The following CLYBL variants were observed in gnomAD, a reference collection of about 807,000 sequenced individuals.
The protein encoded by CLYBL is citramalyl-CoA lyase, also known as citramalyl-CoA lyase, mitochondrial.
A neutral mutation model predicts 38.9 loss-of-function variants in CLYBL; 31 were observed. The observed-to-expected ratio is 0.80, with a 90% CI of 0.60 to 1.08. CLYBL has a LOEUF of 1.08. Among genes scored for constraint, CLYBL ranks in the 50% least tolerant of loss-of-function variants. The pLI is 0.00. For missense variants in CLYBL, 434 were observed against 411.6 expected (o/e 1.05, Z -0.47); for synonymous variants, 171 against 158.6 (o/e 1.08, Z -0.59).
At chr13:99,788,461 G>A (rs987214806) in intron 2 of CLYBL, among the ~76,000 whole-genome samples, 3 of 152,184 alleles carry the variant, frequency 2.0e-5, no homozygotes, top group African/African-American at 4.8e-5. Flanking sequence ...AGATAATCAT[G>A]TGGTTTTTGT....
At chr13:99,686,807 G>C (rs1011154676) in intron 1 of CLYBL, among the ~76,000 whole-genome samples, 1 of 152,136 alleles carries the variant, frequency 6.6e-6, no homozygotes, top group Non-Finnish European at 1.5e-5. Context: ...GACGAGCTAT[G>C]CCACCAATTT....
intron 6 of CLYBL, among the ~76,000 whole-genome samples, chr13:99,866,740 A>T (rs1219284356): frequency 6.6e-6 from 1 of 152,060 alleles, no homozygotes; most frequent in African/African-American, 2.4e-5. Context: ...GTGAACCGCC[A>T]TAAGAATTTT....
At chr13:99,778,598 A>C (rs1034670762) in intron 2 of CLYBL, among the ~76,000 whole-genome samples, 1 of 152,162 alleles carries the variant, frequency 6.6e-6, no homozygotes, top group Non-Finnish European at 1.5e-5. Flanking sequence ...ATTTGTGTTT[A>C]AGTAGCTCCT....
In CLYBL at chr13:99,819,442, ATATATATATATATATATATATAT is replaced by A. The variant is rs1566340148; in HGVS notation, c.250-39418_250-39396del. Among the ~76,000 whole-genome samples, 69 of 87,738 alleles carry A rather than the reference ATATATATATATATATATATATAT, an allele frequency of 7.9e-4. 4 individuals are homozygous for A. The highest frequency in any genetic ancestry group is 4.0e-3 in the South Asian group (9 of 2,272). 57.6% of individuals were successfully genotyped at this position (87,738 alleles called of 152,430 possible). The stretch of plus-strand genomic sequence containing the variant: ...TATATATATATATATATATATATAT[ATATATATATATATATATATATAT>A]ATAATATTTGTCAGGGTTGTCTGGG... On this transcript the variant is annotated intron_variant, in intron 2 of 8. Transcript: ENST00000339105.
At chr13:99,676,797 G>T (rs1316272671) in intron 1 of CLYBL, among the ~76,000 whole-genome samples, 1 of 151,132 alleles carries the variant, frequency 6.6e-6, no homozygotes, top group African/African-American at 2.4e-5. Context: ...TAGAGATGGG[G>T]TTTCTCCATG....
intron 1 of CLYBL, among the ~76,000 whole-genome samples, chr13:99,750,251 C>G (rs1324911404): frequency 6.6e-6 from 1 of 152,150 alleles, no homozygotes; most frequent in Non-Finnish European, 1.5e-5. Context: ...GAATCCATTA[C>G]GAATCTGTCA....
rs539780240 is a variant in CLYBL at position 99,638,950 on chromosome 13, A to G, written c.62+32193A>G. The stretch of plus-strand genomic sequence containing the variant: ...ACTAAGGGGCTGAGCTGGGATCGCA[A>G]CCACAGGTTCTGTTCCAAAGCTGGG... On this transcript the variant is annotated intron_variant, in intron 1 of 8. Coordinates refer to ENST00000339105, the MANE Select transcript of CLYBL (RefSeq NM_206808.5). 2.0e-5 allele frequency among the ~76,000 whole-genome samples: 3 copies of G among 152,312 alleles called. No homozygotes were observed. The South Asian group carries it at 6.2e-4, about 32-fold the overall frequency.
intron 1 of CLYBL, among the ~76,000 whole-genome samples, chr13:99,731,767 A>G (rs1467753887): frequency 1.3e-5 from 2 of 152,290 alleles, no homozygotes; most frequent in Non-Finnish European, 2.9e-5. Flanking sequence ...ACATCTCCTG[A>G]TGTGAAGAAT....
At chr13:99,711,569 G>C (rs915732829) in intron 1 of CLYBL, among the ~76,000 whole-genome samples, 8 of 151,570 alleles carry the variant, frequency 5.3e-5, no homozygotes, top group African/African-American at 1.2e-4. Flanking sequence ...ACCACGCCCG[G>C]CTAATTTTGT....
At chr13:99,793,749 A>G (rs925218435) in intron 2 of CLYBL, among the ~76,000 whole-genome samples, 1 of 152,150 alleles carries the variant, frequency 6.6e-6, no homozygotes, top group Non-Finnish European at 1.5e-5. Context: ...TTAAATTGCC[A>G]GTTATTTCTT....
At chr13:99,818,269 G>A (rs963987002) in intron 2 of CLYBL, among the ~76,000 whole-genome samples, 6 of 152,122 alleles carry the variant, frequency 3.9e-5, no homozygotes, top group Non-Finnish European at 8.8e-5. Context: ...TTGGCTGATA[G>A]CATGTGAGTA....
intron 2 of CLYBL, among the ~76,000 whole-genome samples, chr13:99,818,037 GGAGGGAGGGAAGAAGTGACGGAAGAAGT>G (rs1380833972): frequency 1.3e-5 from 2 of 151,238 alleles, no homozygotes; most frequent in African/African-American, 4.9e-5. Context: ...AGGAAGGAAG[GGAGGGAGGGAAGAAGTGACGGAAGAAGT>G]GAGGGAAGGA....
chr13:99,744,325 G>T (rs374472804), intron 1 of CLYBL, among the ~76,000 whole-genome samples: 2 of 152,168 alleles, frequency 1.3e-5, no homozygotes, highest in East Asian at 3.9e-4. Context: ...TTGAAAGTTT[G>T]CTCCCTTATT....
At position 99,667,801 on chromosome 13, in the gene CLYBL, A is replaced by G. The variant is rs111558361; in HGVS notation, c.62+61044A>G. ...CACATTCACCTGATTCCCTCTAAAA[A>G]CAAAAATCTTTCTACTATTCCAATT... On this transcript the variant is annotated intron_variant, in intron 1 of 8. Coordinates refer to ENST00000339105, the MANE Select transcript of CLYBL (RefSeq NM_206808.5). 4.2e-3 allele frequency among the ~76,000 whole-genome samples: 636 copies of G among 152,364 alleles called. 8 individuals carry two copies. Among genetic ancestry groups the G allele is most frequent in the African/African-American group, 0.015 (607 of 41,572 alleles).
At chr13:99,854,469 T>C (rs1285469849) in intron 2 of CLYBL, among the ~76,000 whole-genome samples, 1 of 151,628 alleles carries the variant, frequency 6.6e-6, no homozygotes, top group African/African-American at 2.4e-5. Flanking sequence ...CCTGGAAGTT[T>C]GGAACTAATG....
intron 1 of CLYBL, among the ~76,000 whole-genome samples, chr13:99,740,376 G>A (rs61974434): frequency 6.6e-6 from 1 of 152,170 alleles, no homozygotes; most frequent in Admixed American, 6.5e-5. Flanking sequence ...AATGATGTCT[G>A]TAAGCATCTT....
chr13:99,697,710 G>A lies in CLYBL; in HGVS notation c.63-75114G>A, dbSNP rs775074487. ...GTCTCACTGTGTTGTGCAGTGGCTCGATCTTGGCTCACTGCAACCTCCGCC... is the reference window on the plus strand; with the variant it reads ...GTCTCACTGTGTTGTGCAGTGGCTCAATCTTGGCTCACTGCAACCTCCGCC... On this transcript the variant is annotated intron_variant, in intron 1 of 8. Coordinates refer to ENST00000339105, the MANE Select transcript of CLYBL (RefSeq NM_206808.5). Among the ~76,000 whole-genome samples, 7 of 141,036 alleles carry A rather than the reference G, an allele frequency of 5.0e-5. No individual in the cohort carries two copies. The South Asian group carries it at 1.1e-3, about 23-fold the overall frequency. The allele number at this position is 141,036 out of a possible 152,430, so 92.5% of individuals were successfully genotyped here. A position where few individuals can be genotyped will look rare whatever the true frequency, so the allele number is the denominator to read the frequency against.
chr13:99,850,727 A>G (rs555530157), intron 2 of CLYBL, among the ~76,000 whole-genome samples: 4 of 152,234 alleles, frequency 2.6e-5, no homozygotes, highest in Non-Finnish European at 4.4e-5. Flanking sequence ...CCATATGCCA[A>G]TGTTCATAGC....
intron 1 of CLYBL, among the ~76,000 whole-genome samples, chr13:99,714,300 T>G (rs371922300): frequency 2.0e-5 from 3 of 152,294 alleles, no homozygotes; most frequent in Admixed American, 6.5e-5. Context: ...TCTGGTGGTG[T>G]TTGACTGTCA....
Sources: allele counts gnomAD v4.1 joint callset (sites outside exome capture counted in the v4.1 genomes callset), GRCh38; gene constraint gnomAD v4.1.1; transcripts MANE v1.5; gene names NCBI Gene and HGNC (gene_info 2026-07-23, HGNC 2026-07-21).